Variants in FSTL5 observed in about 807,000 individuals in gnomAD.
FSTL5 encodes follistatin like 5.
In FSTL5, 62 loss-of-function variants were observed where a neutral mutation model predicts 89.1. The observed-to-expected ratio is 0.70, with a 90% confidence interval of 0.57 to 0.86. The LOEUF (loss-of-function observed/expected upper bound fraction) is 0.86. FSTL5 is among the 40% of genes least tolerant of loss of function. FSTL5 has a pLI of 0.00. For missense variants in FSTL5, 1,057 were observed against 1,001.6 expected, an observed-to-expected ratio of 1.06 and a Z score of -0.75; for synonymous variants, 383 against 346.2, an observed-to-expected ratio of 1.11 and a Z score of -1.18.
intron 7 of FSTL5, among the ~76,000 whole-genome samples, chr4:161,626,334 C>T (rs1285636424): frequency 6.6e-6 from 1 of 152,124 alleles, no homozygotes; most frequent in Admixed American, 6.6e-5. Flanking sequence ...ATTTATTATT[C>T]TGAAAATCCT....
intron 4 of FSTL5, among the ~76,000 whole-genome samples, chr4:161,819,563 AC>A (rs1480367046): frequency 6.6e-6 from 1 of 152,064 alleles, no homozygotes; most frequent in Non-Finnish European, 1.5e-5. Flanking sequence ...ATAGAGTGTG[AC>A]CTTTTTCACA....
At chr4:162,131,545 T>A (rs1732301905) in intron 1 of FSTL5, among the ~76,000 whole-genome samples, 1 of 152,230 alleles carries the variant, frequency 6.6e-6, no homozygotes, top group African/African-American at 2.4e-5. Flanking sequence ...CTGGAGGATG[T>A]GGCTAAACGA....
intron 6 of FSTL5, among the ~76,000 whole-genome samples, chr4:161,687,393 C>T (rs1286693373): frequency 1.3e-5 from 2 of 151,940 alleles, no homozygotes; most frequent in Non-Finnish European, 2.9e-5. Context: ...TTTTATTACC[C>T]TTATGCATAT....
At chr4:162,155,491 G>A (rs59112216) in intron 1 of FSTL5, among the ~76,000 whole-genome samples, 35,399 of 152,026 alleles carry the variant, frequency 0.23, 4,314 homozygotes, top group Non-Finnish European at 0.26. Context: ...ATGGAAATCC[G>A]GAGATAATAA....
At chr4:162,060,765 T>G (rs1460006646) in intron 2 of FSTL5, among the ~76,000 whole-genome samples, 1 of 152,102 alleles carries the variant, frequency 6.6e-6, no homozygotes, top group Non-Finnish European at 1.5e-5. Context: ...TTTAAAACCT[T>G]TGACATAATT....
intron 4 of FSTL5, among the ~76,000 whole-genome samples, chr4:161,858,526 A>C (rs1368922839): frequency 6.6e-6 from 1 of 152,208 alleles, no homozygotes; most frequent in East Asian, 1.9e-4. Context: ...GACAGATATC[A>C]ATCCTACATT....
chr4:161,530,626 G>A (rs1023982592), intron 10 of FSTL5, among the ~76,000 whole-genome samples: 7 of 151,772 alleles, frequency 4.6e-5, no homozygotes, highest in African/African-American at 1.5e-4. Flanking sequence ...TTTAAAAATG[G>A]TGTATCTAGC....
At chr4:161,448,692 C>A (rs532262930) in intron 15 of FSTL5, among the ~76,000 whole-genome samples, 1 of 152,150 alleles carries the variant, frequency 6.6e-6, no homozygotes, top group Admixed American at 6.6e-5. Context: ...TGTAGTAGAG[C>A]CATAGCCATT....
At chr4:161,419,288 T>C (rs1294775387) in intron 15 of FSTL5, among the ~76,000 whole-genome samples, 1 of 152,142 alleles carries the variant, frequency 6.6e-6, no homozygotes, top group Non-Finnish European at 1.5e-5. Flanking sequence ...TTTTCTTCTG[T>C]CTAAACCATA....
At chr4:162,011,201 C>G (rs1253598040) in intron 3 of FSTL5, among the ~76,000 whole-genome samples, 1 of 152,036 alleles carries the variant, frequency 6.6e-6, no homozygotes, top group Non-Finnish European at 1.5e-5. Flanking sequence ...CTCACATATC[C>G]AGTGGCATTT....
At chr4:162,143,748 A>ACACACACACCC (rs1363446909) in intron 1 of FSTL5, among the ~76,000 whole-genome samples, 6 of 127,680 alleles carry the variant, frequency 4.7e-5, no homozygotes, top group Non-Finnish European at 8.0e-5. Flanking sequence ...ACACACACAC[A>ACACACACACCC]CCCAGGAAAA....
At chr4:161,960,808 C>A (rs1560938409) in intron 3 of FSTL5, among the ~76,000 whole-genome samples, 1 of 151,806 alleles carries the variant, frequency 6.6e-6, no homozygotes, top group Admixed American at 6.6e-5. Flanking sequence ...CCAAAGAAGA[C>A]ACTTTAAAAT....
intron 3 of FSTL5, among the ~76,000 whole-genome samples, chr4:161,936,190 T>C (rs534447499): frequency 6.6e-6 from 1 of 152,306 alleles, no homozygotes; most frequent in African/African-American, 2.4e-5. Flanking sequence ...AGTTTGTTAA[T>C]AGCTGTGAAT....
chr4:161,989,745 A>C (rs1464112158), intron 3 of FSTL5, among the ~76,000 whole-genome samples: 1 of 152,138 alleles, frequency 6.6e-6, no homozygotes, highest in African/African-American at 2.4e-5. Context: ...TTGACTAAAA[A>C]GGACAGGAAT....
intron 15 of FSTL5, among the ~76,000 whole-genome samples, chr4:161,394,248 C>T (rs1730924847): frequency 6.6e-6 from 1 of 152,060 alleles, no homozygotes; most frequent in African/African-American, 2.4e-5. Flanking sequence ...TGCTTCTTAA[C>T]ATTTAATTAT....
intron 7 of FSTL5, among the ~76,000 whole-genome samples, chr4:161,632,645 CTAAT>C (rs978533136): frequency 2.6e-5 from 4 of 152,210 alleles, no homozygotes; most frequent in Admixed American, 1.3e-4. Flanking sequence ...TTCTCTAAAA[CTAAT>C]AGTCTGAGTT....
At chr4:161,749,524 G>A (rs985828972) in intron 6 of FSTL5, among the ~76,000 whole-genome samples, 7 of 152,214 alleles carry the variant, frequency 4.6e-5, no homozygotes, top group African/African-American at 1.2e-4. Flanking sequence ...TAGGCCCGGC[G>A]CGGTGGCTCA....
Position 161,876,910 on chromosome 4 carries a change from C to T in FSTL5, c.409+43494G>A, listed in dbSNP as rs189132809. Among the ~76,000 whole-genome samples the T allele has an allele frequency of 1.2e-3, 189 of 152,004 alleles. 1 individual carries two copies. Among genetic ancestry groups the T allele is most frequent in the African/African-American group, 4.3e-3 (177 of 41,484 alleles). The stretch of plus-strand genomic sequence containing the variant: ...TTAAAAATTACTATGATAGGCCGGG[C>T]GCTGTGGCTCACACCTGTAATCCCA... On this transcript the variant is annotated intron_variant, in intron 4 of 15. Coordinates refer to ENST00000306100, the MANE Select transcript of FSTL5 (RefSeq NM_020116.5).
chr4:161,586,692 G>A (rs1733628675), intron 8 of FSTL5, among the ~76,000 whole-genome samples: 2 of 152,074 alleles, frequency 1.3e-5, no homozygotes, highest in Non-Finnish European at 2.9e-5. Flanking sequence ...ACTTAGAATG[G>A]AAATCCAAAT....
Sources: gnomAD v4.1 joint callset for allele counts (sites outside exome capture counted in the v4.1 genomes callset) on GRCh38, gnomAD v4.1.1 for gene constraint, MANE v1.5 for transcripts, NCBI Gene and HGNC (gene_info 2026-07-23, HGNC 2026-07-21) for gene names.